The following CSMD1 variants were observed in gnomAD, a reference collection of about 807,000 sequenced individuals.
The protein encoded by CSMD1 is CUB and sushi domain-containing protein 1.
A neutral mutation model predicts 417.5 loss-of-function variants in CSMD1; 213 were observed. The observed-to-expected ratio is 0.51, with a 90% confidence interval of 0.46 to 0.57. The LOEUF (loss-of-function observed/expected upper bound fraction) is 0.57, where lower values mean the gene tolerates loss of function less well. Ranked by LOEUF, CSMD1 falls within the 20% of genes least tolerant of loss-of-function variation. CSMD1 has a pLI of 0.00. For synonymous variants in CSMD1, 2,862 were observed against 1,736.8 expected (o/e 1.65, Z -16.11); for missense variants, 6,923 against 4,529.7 (o/e 1.53, Z -15.17).
chr8:4,036,239 G>A (rs1002826767), intron 3 of CSMD1, among the ~76,000 whole-genome samples: 1 of 152,156 alleles, frequency 6.6e-6, no homozygotes. Context: ...CATCCCAGTT[G>A]TTAAGTCATG....
intron 3 of CSMD1, among the ~76,000 whole-genome samples, chr8:4,120,928 T>A (rs1802451506): frequency 6.6e-6 from 1 of 152,166 alleles, no homozygotes; most frequent in South Asian, 2.1e-4. Flanking sequence ...CCTATGTGCC[T>A]GAAAATGTGT....
chr8:3,212,541 A>C (rs994580438), intron 30 of CSMD1, among the ~76,000 whole-genome samples: 3 of 151,858 alleles, frequency 2.0e-5, no homozygotes, highest in African/African-American at 7.3e-5. Flanking sequence ...TTTGGTAGAG[A>C]TGGGGTTTTG....
chr8:3,480,481 C>G (rs1446193196), intron 11 of CSMD1, among the ~76,000 whole-genome samples: 2 of 151,980 alleles, frequency 1.3e-5, no homozygotes, highest in Non-Finnish European at 2.9e-5. Flanking sequence ...CATTAGAATT[C>G]CAAAAGGAGA....
At chr8:3,185,345 G>T (rs1439243455) in intron 36 of CSMD1, among the ~76,000 whole-genome samples, 1 of 152,150 alleles carries the variant, frequency 6.6e-6, no homozygotes, top group Non-Finnish European at 1.5e-5. Context: ...TGCATACAGA[G>T]GCAATGTGGT....
At chr8:3,585,757 C>T (rs1043327870) in intron 9 of CSMD1, among the ~76,000 whole-genome samples, 4 of 152,122 alleles carry the variant, frequency 2.6e-5, no homozygotes, top group Non-Finnish European at 4.4e-5. Context: ...AATTCAACCT[C>T]ACTGCAATAG....
chr8:3,348,184 G>A, intron 21 of CSMD1, 23 bp from the exon 22 acceptor site: 1 of 1,589,020 alleles, frequency 6.3e-7, no homozygotes, highest in Non-Finnish European at 8.6e-7. Context: ...GGACATGAGA[G>A]AAAGAGGATT....
At chr8:3,495,412 A>T (rs1284097862) in intron 10 of CSMD1, among the ~76,000 whole-genome samples, 1 of 152,078 alleles carries the variant, frequency 6.6e-6, no homozygotes, top group Non-Finnish European at 1.5e-5. Flanking sequence ...GTGTACAGAT[A>T]GGGGTCACAC....
intron 5 of CSMD1, among the ~76,000 whole-genome samples, chr8:3,983,511 G>A (rs1434200489): frequency 3.3e-5 from 5 of 152,326 alleles, no homozygotes; most frequent in Non-Finnish European, 7.3e-5. Context: ...CAGGACTTGG[G>A]ACAGGAAACT....
intron 2 of CSMD1, among the ~76,000 whole-genome samples, chr8:4,459,201 G>A (rs992070367): frequency 2.0e-5 from 3 of 152,172 alleles, no homozygotes; most frequent in East Asian, 1.9e-4. Context: ...AGGCCATGTC[G>A]CTTTCAAGTT....
At chr8:4,267,395 G>A (rs1215876701) in intron 3 of CSMD1, among the ~76,000 whole-genome samples, 1 of 45,346 alleles carries the variant, frequency 2.2e-5, no homozygotes, top group East Asian at 6.0e-4. Context: ...TATGAACTCT[G>A]AAAGATCTAT....
intron 3 of CSMD1, among the ~76,000 whole-genome samples, chr8:4,096,320 G>C (rs1056392340): frequency 1.3e-5 from 2 of 152,068 alleles, no homozygotes; most frequent in African/African-American, 2.4e-5. Context: ...GTCTGCAGAG[G>C]AAACAACCCA....
rs189986610 is a variant in CSMD1, at chr8:3,971,325, G to C, written c.818+26578C>G. 5.9e-4 allele frequency among the ~76,000 whole-genome samples: 90 copies of C among 152,264 alleles called. No homozygotes were observed. In the East Asian group the frequency reaches 0.016, roughly 28 times the overall value. On this transcript the variant is annotated intron_variant, in intron 5 of 69. Coordinates refer to ENST00000635120, the MANE Select transcript of CSMD1 (RefSeq NM_033225.6). ...TTCTCCTGAGTTTCCAGTGGCTGCA[G>C]CTGCCGGTTCACATGTGTTCTCTTT...
chr8:4,770,229 A>G (rs1326075773), intron 1 of CSMD1, among the ~76,000 whole-genome samples: 1 of 148,612 alleles, frequency 6.7e-6, no homozygotes, highest in Non-Finnish European at 1.5e-5. Context: ...ATATTCCTAT[A>G]TACATATTCA....
intron 4 of CSMD1, among the ~76,000 whole-genome samples, chr8:4,023,907 G>A (rs1243544010): frequency 1.3e-5 from 2 of 151,466 alleles, no homozygotes; most frequent in African/African-American, 2.4e-5. Context: ...GTGAGCCACA[G>A]CACCCGACCA....
chr8:3,063,343 A>G (rs1478112727), intron 49 of CSMD1, among the ~76,000 whole-genome samples: 1 of 152,232 alleles, frequency 6.6e-6, no homozygotes, highest in African/African-American at 2.4e-5. Context: ...AAAAACTAGG[A>G]AATAATGAGT....
At chr8:4,127,072 A>G (rs1357929447) in intron 3 of CSMD1, among the ~76,000 whole-genome samples, 1 of 128,870 alleles carries the variant, frequency 7.8e-6, no homozygotes, top group African/African-American at 2.9e-5. Flanking sequence ...AAATCAGTCA[A>G]TCTCCTGTGA....
At chr8:3,238,738 C>T (rs1185031851) in intron 26 of CSMD1, among the ~76,000 whole-genome samples, 4 of 152,088 alleles carry the variant, frequency 2.6e-5, no homozygotes, top group Non-Finnish European at 5.9e-5. Context: ...TTGGGACCAC[C>T]CAGGACATCT....
intron 68 of CSMD1, among the ~76,000 whole-genome samples, chr8:2,945,939 G>A (rs1269521917): frequency 2.0e-5 from 3 of 152,180 alleles, no homozygotes; most frequent in Admixed American, 2.0e-4. Flanking sequence ...TGAAACAAAT[G>A]CACATCCTGT....
intron 18 of CSMD1, among the ~76,000 whole-genome samples, chr8:3,384,796 ATGC>A (rs1378467698): frequency 1.3e-4 from 16 of 122,850 alleles, no homozygotes; most frequent in Admixed American, 7.8e-4. Context: ...ATATTAATAT[ATGC>A]TATTTATATA....
Sources: gnomAD v4.1 joint callset for allele counts (sites outside exome capture counted in the v4.1 genomes callset) on GRCh38, gnomAD v4.1.1 for gene constraint, MANE v1.5 for transcripts, NCBI Gene and HGNC (gene_info 2026-07-23, HGNC 2026-07-21) for gene names.